Variants in TTC6 observed in about 807,000 individuals in gnomAD.
The protein encoded by TTC6 is tetratricopeptide repeat protein 6.
In TTC6, 172 loss-of-function variants were observed where a neutral mutation model predicts 210.4. The ratio of observed to expected loss-of-function variants is 0.82; its 90% CI spans 0.72 to 0.93. The LOEUF is 0.93. Ranked by LOEUF, TTC6 falls within the 40% of genes least tolerant of loss-of-function variation. TTC6 has a pLI of 0.00. For synonymous variants in TTC6, 804 were observed against 819.6 expected, an observed-to-expected ratio of 0.98 and a Z score of 0.32; for missense variants, 2,414 against 2,318.1, an observed-to-expected ratio of 1.04 and a Z score of -0.85.
intron 3 of TTC6, among the ~76,000 whole-genome samples, chr14:37,691,368 TA>T (rs1291347333): frequency 2.0e-5 from 3 of 151,816 alleles, no homozygotes; most frequent in Non-Finnish European, 4.4e-5. Flanking sequence ...CACAATAGAA[TA>T]AAACTAGAAA....
intron 10 of TTC6, among the ~76,000 whole-genome samples, chr14:37,747,090 T>G (rs557486107): frequency 1.3e-5 from 2 of 152,224 alleles, no homozygotes; most frequent in Non-Finnish European, 2.9e-5. Flanking sequence ...GTTGTCCTAA[T>G]GACTTAAAGC....
intron 1 of TTC6, among the ~76,000 whole-genome samples, chr14:37,629,899 T>C (rs192218950): frequency 1.3e-5 from 2 of 152,234 alleles, no homozygotes; most frequent in Non-Finnish European, 2.9e-5. Flanking sequence ...GTTTATGTGA[T>C]GAATTATGTT....
At chr14:37,600,707 T>C (rs964225799) in intron 1 of TTC6, among the ~76,000 whole-genome samples, 7 of 152,202 alleles carry the variant, frequency 4.6e-5, no homozygotes, top group African/African-American at 1.7e-4. Flanking sequence ...TTTCCCCCCA[T>C]ATTTTGAAAT....
chr14:37,686,022 C>T (rs1256651443), intron 3 of TTC6, among the ~76,000 whole-genome samples: 1 of 152,082 alleles, frequency 6.6e-6, no homozygotes, highest in Non-Finnish European at 1.5e-5. Context: ...AGACTAACCT[C>T]ATTTATTTTC....
At chr14:37,768,283 G>T (rs2096005863) in intron 14 of TTC6, among the ~76,000 whole-genome samples, 1 of 151,284 alleles carries the variant, frequency 6.6e-6, no homozygotes, top group Non-Finnish European at 1.5e-5. Flanking sequence ...TGGTGATGCG[G>T]GCTCTTTTTT....
chr14:37,725,425 A>G (rs1347896887), intron 7 of TTC6, among the ~76,000 whole-genome samples: 1 of 146,178 alleles, frequency 6.8e-6, no homozygotes, highest in Non-Finnish European at 1.5e-5. Context: ...ATCTTGGCTC[A>G]CCGCAACCTC....
chr14:37,795,606 T>A (rs1289532178), intron 18 of TTC6, among the ~76,000 whole-genome samples: 1 of 152,170 alleles, frequency 6.6e-6, no homozygotes, highest in Non-Finnish European at 1.5e-5. Flanking sequence ...TTTGAGACCT[T>A]TTTAAGCGAC....
At chr14:37,706,836 G>C (rs17768503) in intron 5 of TTC6, among the ~76,000 whole-genome samples, 30,728 of 151,658 alleles carry the variant, frequency 0.2, 3,459 homozygotes, top group South Asian at 0.27. Flanking sequence ...TTTCATTTTA[G>C]TCTGTCTTAG....
intron 1 of TTC6, among the ~76,000 whole-genome samples, chr14:37,602,782 C>T (rs1422544785): frequency 1.3e-5 from 2 of 152,168 alleles, no homozygotes; most frequent in African/African-American, 4.8e-5. Flanking sequence ...GATCAAGCCT[C>T]ACCCACCTTA....
chr14:37,812,472 A>G (rs754857545), intron 25 of TTC6, 39 bp downstream of exon 27: 5 of 1,522,694 alleles, frequency 3.3e-6, no homozygotes, highest in Non-Finnish European at 3.5e-6. Flanking sequence ...GATTTTGCAC[A>G]TTGACTTCTG....
chr14:37,776,898 A>G (rs181810831), intron 14 of TTC6, among the ~76,000 whole-genome samples: 28 of 151,720 alleles, frequency 1.8e-4, no homozygotes, highest in Admixed American at 1.5e-3. Context: ...CTCCATCTCA[A>G]AAAAAAAATT....
At chr14:37,796,163 C>T (rs1202160000) in intron 18 of TTC6, 131 bp from the exon 21 acceptor site, 1 of 406,896 alleles carries the variant, frequency 2.5e-6, no homozygotes, top group Non-Finnish European at 4.5e-6. Flanking sequence ...CTATAATTTT[C>T]ACTTTTTTAT....
In TTC6 at chr14:37,795,248, A is replaced by G. The variant is rs533077775; in HGVS notation, c.3709-22A>G. ...AGCAATCGATGTTATTAGGAGCTAA[A>G]TTTCTGTTTCTCACTCAACAGTTGC... is the stretch of plus-strand genomic sequence containing the variant. On this transcript the variant is annotated intron_variant, in intron 17 of 30. Coordinates refer to ENST00000553443, the Ensembl canonical transcript of TTC6. 10 of 1,504,028 alleles carry G rather than the reference A, an allele frequency of 6.6e-6. No individual in the cohort carries two copies. In the African/African-American group the frequency reaches 1.4e-4, roughly 21 times the overall value. 93.2% of individuals were successfully genotyped at this position (1,504,028 alleles called of 1,614,324 possible). A position where few individuals can be genotyped will look rare whatever the true frequency, so the allele number is the denominator to read the frequency against.
intron 10 of TTC6, among the ~76,000 whole-genome samples, chr14:37,740,677 T>A (rs556099823): frequency 2.6e-5 from 4 of 152,338 alleles, no homozygotes; most frequent in African/African-American, 7.2e-5. Flanking sequence ...ATACTACATA[T>A]GCTTAAGTTT....
intron 14 of TTC6, among the ~76,000 whole-genome samples, chr14:37,783,777 A>T (rs2096061165): frequency 6.6e-6 from 1 of 152,098 alleles, no homozygotes. Flanking sequence ...TAGTGCTATA[A>T]ATTTCCCTCT....
intron 1 of TTC6, among the ~76,000 whole-genome samples, chr14:37,647,508 G>T (rs2095703716): frequency 6.6e-6 from 1 of 152,150 alleles, no homozygotes; most frequent in Non-Finnish European, 1.5e-5. Flanking sequence ...TATGGTTTAT[G>T]GTGTGTGTAG....
At chr14:37,602,374 T>A (rs2095617305) in intron 1 of TTC6, among the ~76,000 whole-genome samples, 1 of 152,250 alleles carries the variant, frequency 6.6e-6, no homozygotes, top group Admixed American at 6.5e-5. Context: ...TGTAATGATT[T>A]CCTTACAGGA....
chr14:37,816,450 T>C (rs1444631432), intron 25 of TTC6, among the ~76,000 whole-genome samples: 2 of 152,182 alleles, frequency 1.3e-5, no homozygotes, highest in African/African-American at 4.8e-5. Flanking sequence ...TGCAGATTTC[T>C]GCTGTCTGGC....
chr14:37,653,954 G>A (rs1459978028), intron 1 of TTC6, among the ~76,000 whole-genome samples: 11 of 152,012 alleles, frequency 7.2e-5, no homozygotes, highest in East Asian at 1.9e-4. Flanking sequence ...ACTGTCTATC[G>A]AGTCATGTCC....
Sources: gnomAD v4.1 joint callset for allele counts (sites outside exome capture counted in the v4.1 genomes callset) on GRCh38, gnomAD v4.1.1 for gene constraint, MANE v1.5 for transcripts, NCBI Gene and HGNC (gene_info 2026-07-23, HGNC 2026-07-21) for gene names.